Variants in ATP6V0A2 observed in about 807,000 individuals in gnomAD.
ATP6V0A2 encodes the protein ATPase H+ transporting V0 subunit a2.
Under a neutral mutation model 104.4 loss-of-function variants are expected in ATP6V0A2, and 58 were observed. The observed-to-expected ratio is 0.56, with a 90% CI of 0.45 to 0.69. The LOEUF is 0.69. ATP6V0A2 is among the 30% of genes least tolerant of loss of function. The probability of loss-of-function intolerance (pLI) is 0.00; values close to 1 mark genes in which losing one functional copy is unlikely to be tolerated. For missense variants in ATP6V0A2, 938 were observed against 1,062.9 expected (o/e 0.88, Z 1.63); for synonymous variants, 376 against 397.9 (o/e 0.95, Z 0.65).
chr12:123,723,347 A>G (rs547914855), intron 3 of ATP6V0A2: 1 of 152,240 alleles, frequency 6.6e-6, no homozygotes, highest in East Asian at 1.9e-4. Flanking sequence ...GTTTGAATAC[A>G]AGTTTTCATT....
At chr12:123,739,245 A>G (rs1956585514) in intron 9 of ATP6V0A2, among the ~76,000 whole-genome samples, 1 of 151,666 alleles carries the variant, frequency 6.6e-6, no homozygotes, top group African/African-American at 2.4e-5. Context: ...GTGGGCACCG[A>G]CTCTTCGTTT....
rs201910056 is a variant in ATP6V0A2, at chr12:123,754,415, C to G, written c.2176-5C>G. On this transcript the variant is annotated splice_region_variant and splice_polypyrimidine_tract_variant and intron_variant, in intron 17 of 19. Transcript: ENST00000330342. Reference sequence around the variant, plus strand: ...TCTTAACATATGTTGTGTGATCTCTCTCAGTTTAATTTTGGAGAAATATTA... The same window carrying G: ...TCTTAACATATGTTGTGTGATCTCTGTCAGTTTAATTTTGGAGAAATATTA... 4 of 1,591,786 alleles carry G rather than the reference C, an allele frequency of 2.5e-6. No individual in the cohort carries two copies. Among genetic ancestry groups the G allele is most frequent in the Non-Finnish European group, 3.4e-6 (4 of 1,159,794 alleles).
In ATP6V0A2 at chr12:123,756,942, C is replaced by T. The variant is rs1283897491; in HGVS notation, c.2421C>T (p.Ile807=). 1 of 1,614,216 alleles carries T rather than the reference C, an allele frequency of 6.2e-7. No individual in the cohort carries two copies. The highest frequency in any genetic ancestry group is 1.1e-5 in the South Asian group (1 of 91,084). ...FAVLTIFILL[I]MEGLSAFLHA... ...TTTTGACCATTTTCATCCTTCTGAT[C>T]ATGGAAGGGCTTTCTGCGTTTCTTC... The change falls in exon 19 of 20, where the codon ATC becomes ATT. Residue 807 remains isoleucine, a synonymous_variant. Transcript: ENST00000330342.
At chr12:123,727,096 G>T (rs2135890061) in intron 5 of ATP6V0A2, among the ~76,000 whole-genome samples, 1 of 152,262 alleles carries the variant, frequency 6.6e-6, no homozygotes, top group Non-Finnish European at 1.5e-5. Flanking sequence ...TTCACTGAGG[G>T]TGTAGCTCTT....
intron 6 of ATP6V0A2, 62 bp from the exon 7 acceptor site, chr12:123,733,864 T>C (rs1243689339): frequency 8.4e-7 from 1 of 1,188,010 alleles, no homozygotes; most frequent in Non-Finnish European, 1.3e-6. Flanking sequence ...GTGTTTGAGC[T>C]GCCGAAGTTC....
In ATP6V0A2 at chr12:123,754,506, G is replaced by A. The variant is rs1956745206; in HGVS notation, c.2262G>A (p.Leu754=). ...LGCISNTASY[L]RLWALSLAHA... is the part of the protein sequence containing the mutation. Reference sequence around the variant, plus strand: ...GCATCTCCAACACCGCCTCCTACCTGAGGCTCTGGGCGCTTAGCCTGGCTC... The same window carrying A: ...GCATCTCCAACACCGCCTCCTACCTAAGGCTCTGGGCGCTTAGCCTGGCTC... The change falls in exon 18 of 20, where the codon CTG becomes CTA. Residue 754 remains leucine (L), a synonymous_variant. Coordinates refer to ENST00000330342, the MANE Select transcript of ATP6V0A2 (RefSeq NM_012463.4). The A allele has an allele frequency of 2.5e-6, 4 of 1,614,148 alleles. No individual in the cohort carries two copies. In the East Asian group the frequency reaches 8.9e-5, roughly 36 times the overall value.
At chr12:123,724,939 T>A (rs1956434931) in intron 4 of ATP6V0A2, 148 bp downstream of exon 4, 1 of 561,694 alleles carries the variant, frequency 1.8e-6, no homozygotes, top group Non-Finnish European at 2.7e-6. Flanking sequence ...TATTTAATTT[T>A]ATATTTTGTT....
In ATP6V0A2 at chr12:123,722,385, TCC is replaced by T. The variant is rs1002625855; in HGVS notation, c.234_235del (p.Leu79SerfsTer2). ...LVQEINRADI[P>X]LPEGEASPPA... ...TACAGGAAATTAATAGAGCTGATATTCCCCTTCCTGAAGGAGAGGCCAGCCCT... is the reference window on the plus strand; with the variant it reads ...TACAGGAAATTAATAGAGCTGATATTCCTTCCTGAAGGAGAGGCCAGCCCT... On this transcript the variant is annotated frameshift_variant, in exon 3 of 20. Transcript: ENST00000330342. LOFTEE classifies it high-confidence loss of function. 6.2e-7 allele frequency: 1 copy of T among 1,612,054 alleles called. No homozygotes were observed. The highest frequency in any genetic ancestry group is 8.5e-7 in the Non-Finnish European group (1 of 1,178,186).
intron 18 of ATP6V0A2, among the ~76,000 whole-genome samples, chr12:123,755,135 G>T (rs186844799): frequency 4.6e-5 from 7 of 152,298 alleles, no homozygotes; most frequent in African/African-American, 1.7e-4. Context: ...CGTGCGGCAG[G>T]TGTCGTGATG....
At chr12:123,748,441 TA>T (rs1484123694) in intron 14 of ATP6V0A2, 133 bp from the exon 15 acceptor site, 2 of 764,634 alleles carry the variant, frequency 2.6e-6, no homozygotes, top group African/African-American at 3.4e-5. Flanking sequence ...CACTCAGATG[TA>T]TCTGGATTCA....
chr12:123,745,976 C>T (rs947677326), intron 13 of ATP6V0A2, among the ~76,000 whole-genome samples: 2 of 152,168 alleles, frequency 1.3e-5, no homozygotes, highest in African/African-American at 4.8e-5. Context: ...GGAAGTATCT[C>T]TTAGTGTGTT....
intron 14 of ATP6V0A2, among the ~76,000 whole-genome samples, chr12:123,748,211 C>T (rs979383200): frequency 4.6e-5 from 7 of 152,288 alleles, no homozygotes; most frequent in Middle Eastern, 3.4e-3. Context: ...TAATTTGATG[C>T]TGTAGCTTGA....
intron 2 of ATP6V0A2, among the ~76,000 whole-genome samples, chr12:123,718,950 A>G (rs1956370601): frequency 6.6e-6 from 1 of 152,190 alleles, no homozygotes; most frequent in Non-Finnish European, 1.5e-5. Context: ...TTTACTTAAC[A>G]GTGCTTACTA....
intron 3 of ATP6V0A2, chr12:123,723,727 G>A (rs1956422221): frequency 6.6e-6 from 1 of 152,160 alleles, no homozygotes; most frequent in African/African-American, 2.4e-5. Context: ...CCAAAGTGCT[G>A]GGATTACAGG....
intron 17 of ATP6V0A2, chr12:123,753,926 C>T (rs1956739604): frequency 5.9e-6 from 1 of 168,788 alleles, no homozygotes; most frequent in Non-Finnish European, 1.3e-5. Flanking sequence ...GCATGAGAGT[C>T]ACCTTGCCTG....
chr12:123,754,829 G>A (rs1956748411), intron 18 of ATP6V0A2: 2 of 454,096 alleles, frequency 4.4e-6, no homozygotes. Context: ...GAACTGAGAC[G>A]GCTTGGGAGC....
In ATP6V0A2 at chr12:123,760,105, A is replaced by C. The variant is rs1956795535; in HGVS notation, c.*2073A>C. ...AATGGTAACTACTTCATCCCTAGGA[A>C]GCCCAAGACTTCAGGGCACTGTTAG... is the stretch of plus-strand genomic sequence containing the variant. On this transcript the variant is annotated 3_prime_UTR_variant, in exon 20 of 20. Transcript: ENST00000330342. The C allele has an allele frequency of 6.6e-6, 1 of 152,208 alleles. No homozygotes were observed. Among genetic ancestry groups the C allele is most frequent in the Non-Finnish European group, 1.5e-5 (1 of 68,036 alleles). 9.4% of individuals were successfully genotyped at this position (152,208 alleles called of 1,614,324 possible). A position where few individuals can be genotyped will look rare whatever the true frequency, so the allele number is the denominator to read the frequency against.
chr12:123,748,797 T>TCCCAC lies in ATP6V0A2; in HGVS notation c.1935+15_1935+19dup, dbSNP rs1339783758. ...TTTACACAGGGCAGGTGAGTCATCT[T>TCCCAC]CCCACCCTCATGAACTTAACGGAAG... On this transcript the variant is annotated intron_variant, in intron 15 of 19. Coordinates refer to ENST00000330342, the MANE Select transcript of ATP6V0A2 (RefSeq NM_012463.4). 1 of 1,603,990 alleles carries TCCCAC rather than the reference T, an allele frequency of 6.2e-7. No individual in the cohort carries two copies. Among genetic ancestry groups the TCCCAC allele is most frequent in the Admixed American group, 1.7e-5 (1 of 59,998 alleles).
In ATP6V0A2 at chr12:123,744,771, A is replaced by G. The variant is rs1956644226; in HGVS notation, c.1501A>G (p.Met501Val). 3 of 1,613,976 alleles carry G rather than the reference A, an allele frequency of 1.9e-6. No homozygotes were observed. The highest frequency in any genetic ancestry group is 1.3e-5 in the African/African-American group (1 of 74,902). Residue 501 changes from methionine (M) to valine (V), a missense_variant, in exon 12 of 20, where the codon ATG (methionine) becomes GTG (valine). Coordinates refer to ENST00000330342, the MANE Select transcript of ATP6V0A2 (RefSeq NM_012463.4). This position sits in a 1 kb window ranked among gnomAD's most constrained non-coding sequence, Gnocchi z 5.4. ...SSHPPAEHKKMVLWNDSVVRH... is the reference protein window; with the variant it reads ...SSHPPAEHKKVVLWNDSVVRH... ...CCACCCACCCGCAGAGCATAAGAAG[A>G]TGGTGCTTTGGAAGTAAGTGTCCCA...
Sources: gnomAD v4.1 joint callset for allele counts (sites outside exome capture counted in the v4.1 genomes callset) on GRCh38, gnomAD v4.1.1 for gene constraint, Gnocchi (gnomAD v3.1) non-coding constraint, MANE v1.5 for transcripts, NCBI Gene and HGNC (gene_info 2026-07-23, HGNC 2026-07-21) for gene names.